The following SKI variants were observed in gnomAD, a reference collection of about 807,000 sequenced individuals.
The protein encoded by SKI is SKI proto-oncogene.
In SKI, 23 loss-of-function variants were observed where a neutral mutation model predicts 59.3. That is an observed-to-expected ratio of 0.39 (90% CI 0.28 to 0.55). The LOEUF (loss-of-function observed/expected upper bound fraction) is 0.55, where lower values mean the gene tolerates loss of function less well. Ranked by LOEUF, SKI falls within the 20% of genes least tolerant of loss-of-function variation. The probability of loss-of-function intolerance (pLI) is 0.67; values close to 1 mark genes in which losing one functional copy is unlikely to be tolerated. For synonymous variants in SKI, 673 were observed against 488.6 expected, an observed-to-expected ratio of 1.38 and a Z score of -4.98; for missense variants, 1,017 against 1,038.9, an observed-to-expected ratio of 0.98 and a Z score of 0.29.
Position 2,304,368 on chromosome 1 carries a change from G to C in SKI, c.1550G>C (p.Gly517Ala). The C allele has an allele frequency of 6.4e-7, 1 of 1,551,804 alleles. No homozygotes were observed. The highest frequency in any genetic ancestry group is 1.2e-5 in the South Asian group (1 of 84,112). The change falls in exon 5 of 7, where the codon GGT becomes GCT. Residue 517 changes from glycine to alanine, a missense_variant. Transcript: ENST00000378536. ...SSSAKDLGSP[G>A]ARALPSAVPD... is the part of the protein sequence containing the mutation. ...TCCGCCAAGGACCTGGGCTCCCCGGGTGCGCGTGCCCTGCCCTCGGCCGTC... is the reference window on the plus strand; with the variant it reads ...TCCGCCAAGGACCTGGGCTCCCCGGCTGCGCGTGCCCTGCCCTCGGCCGTC...
At chr1:2,274,020 G>A (rs908279399) in intron 1 of SKI, among the ~76,000 whole-genome samples, 3 of 151,994 alleles carry the variant, frequency 2.0e-5, no homozygotes, top group South Asian at 2.1e-4. Context: ...GCGCCCATGC[G>A]TGTGCGCAGG....
chr1:2,290,577 G>T (rs554840853), intron 1 of SKI, among the ~76,000 whole-genome samples: 1 of 152,320 alleles, frequency 6.6e-6, no homozygotes, highest in South Asian at 2.1e-4. Context: ...CTCATCAGGG[G>T]CTCCCCCAGA....
chr1:2,302,031 C>T (rs1053665540), intron 1 of SKI, among the ~76,000 whole-genome samples: 3 of 152,318 alleles, frequency 2.0e-5, no homozygotes, highest in South Asian at 2.1e-4. Context: ...CGGGCAGCAC[C>T]GTCTCAGGGG....
chr1:2,264,184 C>T (rs1639449220), intron 1 of SKI, among the ~76,000 whole-genome samples: 1 of 152,208 alleles, frequency 6.6e-6, no homozygotes. Flanking sequence ...AATGCCATTT[C>T]TCCCTTTGTT....
intron 1 of SKI, among the ~76,000 whole-genome samples, chr1:2,301,451 A>G (rs1339992952): frequency 6.6e-6 from 1 of 150,956 alleles, no homozygotes; most frequent in African/African-American, 2.4e-5. Context: ...GGCCCAGGTC[A>G]GAGCCAGGCA....
At chr1:2,287,127 C>G (rs555430272) in intron 1 of SKI, among the ~76,000 whole-genome samples, 1 of 152,238 alleles carries the variant, frequency 6.6e-6, no homozygotes, top group African/African-American at 2.4e-5. Flanking sequence ...CTAGAGGGCC[C>G]CTGCGCACCC....
chr1:2,306,473 TG>T, intron 6 of SKI, 103 bp from the exon 7 acceptor site: 1 of 1,252,526 alleles, frequency 8.0e-7, no homozygotes. Context: ...CACGCGGCAC[TG>T]GGGAGGGACA....
At chr1:2,237,946 G>T (rs1638787394) in intron 1 of SKI, among the ~76,000 whole-genome samples, 3 of 152,224 alleles carry the variant, frequency 2.0e-5, no homozygotes, top group Admixed American at 2.0e-4. Flanking sequence ...AGTCCAACGG[G>T]CCTTGAGAGG....
At chr1:2,233,602 C>T (rs1409150767) in intron 1 of SKI, among the ~76,000 whole-genome samples, 5 of 151,954 alleles carry the variant, frequency 3.3e-5, no homozygotes, top group Non-Finnish European at 7.4e-5. Flanking sequence ...GTTTTCTGAT[C>T]CCTCATGCTG....
intron 1 of SKI, among the ~76,000 whole-genome samples, chr1:2,282,784 G>A (rs571055685): frequency 1.1e-4 from 16 of 151,546 alleles, no homozygotes; most frequent in South Asian, 6.3e-4. Context: ...TCTCGGGGGC[G>A]CCAGTCCTGT....
Position 2,268,140 on chromosome 1 carries a change from CT to C in SKI, c.970-34837del, listed in dbSNP as rs1639539034. ...CCCGCAGCCCTGGCCCAGGTGCCCC[CT>C]GGGTTGTGCGGCGGGGCCCTGGCTC... On this transcript the variant is annotated intron_variant, in intron 1 of 6. Transcript: ENST00000378536. This position sits in a 1 kb window ranked among gnomAD's most constrained non-coding sequence, Gnocchi z 5.0. Among the ~76,000 whole-genome samples the C allele has an allele frequency of 6.6e-6, 1 of 152,300 alleles. No homozygotes were observed. The highest frequency in any genetic ancestry group is 6.5e-5 in the Admixed American group (1 of 15,304).
At chr1:2,282,646 G>C (rs748812009) in intron 1 of SKI, among the ~76,000 whole-genome samples, 3 of 152,174 alleles carry the variant, frequency 2.0e-5, no homozygotes, top group Non-Finnish European at 4.4e-5. Context: ...CCCCAAGCCC[G>C]CTGGCTCCCA....
intron 1 of SKI, among the ~76,000 whole-genome samples, chr1:2,256,934 C>T (rs1401912818): frequency 2.6e-5 from 4 of 152,164 alleles, no homozygotes; most frequent in Admixed American, 6.5e-5. Context: ...GGATGGTGCC[C>T]GTGGCATCTT....
chr1:2,241,432 G>A (rs1268858305), intron 1 of SKI, among the ~76,000 whole-genome samples: 2 of 151,920 alleles, frequency 1.3e-5, no homozygotes, highest in African/African-American at 4.8e-5. Context: ...CTGCTCTGTC[G>A]CCCAGGCTAT....
Position 2,245,788 on chromosome 1 carries a change from C to CTTTTTTTTTT in SKI, c.969+16070_969+16079dup, listed in dbSNP as rs766445644. Among the ~76,000 whole-genome samples the CTTTTTTTTTT allele has an allele frequency of 3.6e-4, 25 of 70,380 alleles. 5 individuals carry two copies. Among genetic ancestry groups the CTTTTTTTTTT allele is most frequent in the African/African-American group, 8.8e-4 (15 of 17,126 alleles). The allele number at this position is 70,380 out of a possible 152,430, so 46.2% of individuals were successfully genotyped here. On this transcript the variant is annotated intron_variant, in intron 1 of 6. Transcript: ENST00000378536. The stretch of plus-strand genomic sequence containing the variant: ...ACTGCACCTGGCCCTATTTTTCCTT[C>CTTTTTTTTTT]TTTTTTTTTTTTTTTTTTTTTTTTT...
chr1:2,267,097 C>T lies in SKI; in HGVS notation c.970-35881C>T, dbSNP rs1047290749. On this transcript the variant is annotated intron_variant, in intron 1 of 6. Coordinates refer to ENST00000378536, the MANE Select transcript of SKI (RefSeq NM_003036.4). The surrounding 1 kb of genome is among the most constrained non-coding windows in gnomAD (Gnocchi z 4.1). ...GTTTTGTTAACATCTTCATCACCGC[C>T]TTTTCAGTTTCAGCGGGAATTGATT... 2.0e-5 allele frequency among the ~76,000 whole-genome samples: 3 copies of T among 152,180 alleles called. No individual in the cohort carries two copies. The highest frequency in any genetic ancestry group is 2.9e-5 in the Non-Finnish European group (2 of 68,036).
chr1:2,244,146 T>C (rs1638940434), intron 1 of SKI, among the ~76,000 whole-genome samples: 1 of 152,088 alleles, frequency 6.6e-6, no homozygotes, highest in African/African-American at 2.4e-5. Flanking sequence ...TTTGTATTTT[T>C]AGTAGAGATG....
At chr1:2,240,852 G>A (rs1049952532) in intron 1 of SKI, 18 of 948,520 alleles carry the variant, frequency 1.9e-5, no homozygotes, top group African/African-American at 5.3e-5. Flanking sequence ...TGTGGGGGCC[G>A]TCCACAGCCC....
intron 1 of SKI, among the ~76,000 whole-genome samples, chr1:2,279,677 C>T (rs953981506): frequency 5.3e-5 from 8 of 151,948 alleles, no homozygotes; most frequent in East Asian, 3.9e-4. Context: ...AGGCACTGGG[C>T]GTGGCCCAGC....
Sources: gnomAD v4.1 joint callset for allele counts (sites outside exome capture counted in the v4.1 genomes callset) on GRCh38, gnomAD v4.1.1 for gene constraint, Gnocchi (gnomAD v3.1) non-coding constraint, MANE v1.5 for transcripts, NCBI Gene and HGNC (gene_info 2026-07-23, HGNC 2026-07-21) for gene names.